Variants in CAB39 observed in about 807,000 individuals in gnomAD.
The protein encoded by CAB39 is calcium-binding protein 39.
A neutral mutation model predicts 40.0 loss-of-function variants in CAB39; 8 were observed. The observed-to-expected ratio is 0.20, with a 90% CI of 0.12 to 0.36. The LOEUF (loss-of-function observed/expected upper bound fraction) is 0.36, where lower values mean the gene tolerates loss of function less well. CAB39 is among the 10% of genes least tolerant of loss of function. The pLI, the probability that CAB39 is intolerant of heterozygous loss-of-function variation, is 1.00. For synonymous variants in CAB39, 156 were observed against 141.6 expected (o/e 1.10, Z -0.72); for missense variants, 270 against 401.1 (o/e 0.67, Z 2.79).
chr2:230,783,440 C>CTTGTTTTGTT (rs1310389769), intron 2 of CAB39, among the ~76,000 whole-genome samples: 6 of 56,382 alleles, frequency 1.1e-4, no homozygotes, highest in Non-Finnish European at 2.5e-4. Context: ...CTGTTCTTGT[C>CTTGTTTTGTT]TAGTTTTGTT....
At chr2:230,818,365 A>G (rs1696440937) in intron 8 of CAB39, 151 bp from the exon 9 acceptor site, 1 of 580,416 alleles carries the variant, frequency 1.7e-6, no homozygotes, top group Admixed American at 3.4e-5. Context: ...CCAAATTGTA[A>G]AATAACGCCT....
chr2:230,746,060 C>A (rs1328260036), intron 1 of CAB39, among the ~76,000 whole-genome samples: 1 of 152,128 alleles, frequency 6.6e-6, no homozygotes, highest in Non-Finnish European at 1.5e-5. Context: ...ACTCAGCAAA[C>A]ATTTATTTGT....
At chr2:230,807,232 A>C (rs1696212277) in intron 5 of CAB39, among the ~76,000 whole-genome samples, 1 of 149,344 alleles carries the variant, frequency 6.7e-6, no homozygotes, top group African/African-American at 2.5e-5. Context: ...ACCCACACTC[A>C]CCCCAGTTTG....
chr2:230,761,825 A>G (rs1205189224), intron 2 of CAB39, among the ~76,000 whole-genome samples: 3 of 152,202 alleles, frequency 2.0e-5, no homozygotes, highest in African/African-American at 4.8e-5. Context: ...TAATAAGACA[A>G]TATAGATTCT....
intron 3 of CAB39, among the ~76,000 whole-genome samples, chr2:230,791,768 G>A (rs936247801): frequency 3.3e-5 from 5 of 152,180 alleles, no homozygotes; most frequent in Non-Finnish European, 5.9e-5. Flanking sequence ...ATTGTTGCCC[G>A]AGTTAATACA....
At position 230,782,789 on chromosome 2, in the gene CAB39, G is replaced by GTTTCTTTCTTTC. The variant is rs375221449; in HGVS notation, c.115-8067_115-8056dup. ...TCCTCCAACATTGAAACAGACTGCT[G>GTTTCTTTCTTTC]TTTCTTTCTTTCTTTCTTTCTTTCT... On this transcript the variant is annotated intron_variant, in intron 2 of 8. Coordinates refer to ENST00000258418, the MANE Select transcript of CAB39 (RefSeq NM_016289.4). 3.9e-3 allele frequency among the ~76,000 whole-genome samples: 458 copies of GTTTCTTTCTTTC among 118,014 alleles called. 9 individuals carry two copies. The highest frequency in any genetic ancestry group is 8.4e-3 in the Admixed American group (94 of 11,196). The allele number at this position is 118,014 out of a possible 152,430, so 77.4% of individuals were successfully genotyped here.
At chr2:230,814,272 C>T (rs1316751386) in intron 7 of CAB39, among the ~76,000 whole-genome samples, 158 bp downstream of exon 7, 2 of 152,042 alleles carry the variant, frequency 1.3e-5, no homozygotes, top group East Asian at 1.9e-4. Flanking sequence ...TGGAGTTGGA[C>T]AGTGATCCAT....
intron 5 of CAB39, among the ~76,000 whole-genome samples, chr2:230,806,162 TATC>T (rs1368564541): frequency 2.0e-5 from 3 of 152,320 alleles, no homozygotes; most frequent in Non-Finnish European, 4.4e-5. Context: ...GATAATTTCA[TATC>T]ATACTCAACC....
At chr2:230,771,170 G>A (rs1422020884) in intron 2 of CAB39, among the ~76,000 whole-genome samples, 1 of 152,132 alleles carries the variant, frequency 6.6e-6, no homozygotes, top group Non-Finnish European at 1.5e-5. Context: ...TAGTAGACTA[G>A]TAAATAAGTT....
At chr2:230,797,129 T>C (rs1213013220) in intron 4 of CAB39, among the ~76,000 whole-genome samples, 1 of 152,204 alleles carries the variant, frequency 6.6e-6, no homozygotes, top group African/African-American at 2.4e-5. Context: ...CTAGGAATCA[T>C]TTCCAATTGT....
intron 1 of CAB39, among the ~76,000 whole-genome samples, chr2:230,729,826 C>G (rs1424872843): frequency 6.6e-6 from 1 of 151,402 alleles, no homozygotes; most frequent in African/African-American, 2.4e-5. Flanking sequence ...TATGAAAAAT[C>G]TTGAGCGAAA....
chr2:230,721,912 C>T (rs561074302), intron 1 of CAB39, among the ~76,000 whole-genome samples: 16 of 152,262 alleles, frequency 1.1e-4, no homozygotes, highest in African/African-American at 3.9e-4. Flanking sequence ...AAAGGTTCTA[C>T]TGGAACACAG....
rs35468054 is a variant in CAB39, at chr2:230,814,186, G to A, written c.693+72G>A. 8.0e-6 allele frequency: 6 copies of A among 754,244 alleles called. No individual in the cohort carries two copies. In the Admixed American group the frequency reaches 1.5e-4, roughly 19 times the overall value. The allele number at this position is 754,244 out of a possible 1,614,324, so 46.7% of individuals were successfully genotyped here. On this transcript the variant is annotated intron_variant, in intron 7 of 8. Transcript: ENST00000258418. ...TGAAATGTGGATTTGGGGAAAGGGAGATGTGCAGGATGGGTCATAGACCTT... is the reference window on the plus strand; with the variant it reads ...TGAAATGTGGATTTGGGGAAAGGGAAATGTGCAGGATGGGTCATAGACCTT...
chr2:230,817,541 G>A lies in CAB39; in HGVS notation c.694-213G>A, dbSNP rs115144983. The stretch of plus-strand genomic sequence containing the variant: ...TGCAGAGAGAAGCGTCAGGCCTCCC[G>A]TAGACTTCATCTCTCAGGGAAAGGG... On this transcript the variant is annotated intron_variant, in intron 7 of 8. Transcript: ENST00000258418. 1.3e-3 allele frequency among the ~76,000 whole-genome samples: 197 copies of A among 152,220 alleles called. 1 individual carries two copies. The highest frequency in any genetic ancestry group is 4.5e-3 in the African/African-American group (185 of 41,524).
intron 5 of CAB39, among the ~76,000 whole-genome samples, chr2:230,808,849 C>T (rs1696251484): frequency 6.6e-6 from 1 of 152,142 alleles, no homozygotes; most frequent in South Asian, 2.1e-4. Context: ...AGACATGTTC[C>T]CTGATTTTAT....
chr2:230,802,549 G>A (rs1202254138), intron 5 of CAB39, among the ~76,000 whole-genome samples: 1 of 152,062 alleles, frequency 6.6e-6, no homozygotes, highest in African/African-American at 2.4e-5. Flanking sequence ...GAATCAAATA[G>A]ACGCAATAAA....
At chr2:230,778,568 A>G (rs1403313716) in intron 2 of CAB39, among the ~76,000 whole-genome samples, 1 of 152,168 alleles carries the variant, frequency 6.6e-6, no homozygotes, top group Non-Finnish European at 1.5e-5. Flanking sequence ...TGAAAAGGCC[A>G]TTTGTACTAA....
intron 2 of CAB39, among the ~76,000 whole-genome samples, chr2:230,782,056 G>A (rs1695695856): frequency 1.3e-5 from 2 of 152,040 alleles, no homozygotes; most frequent in Admixed American, 1.3e-4. Flanking sequence ...AGTAGAGACG[G>A]GGTTTCACCA....
At chr2:230,748,880 A>AT (rs1287663815) in intron 1 of CAB39, among the ~76,000 whole-genome samples, 5 of 122,302 alleles carry the variant, frequency 4.1e-5, no homozygotes, top group Admixed American at 8.9e-5. Context: ...CAAAATGGTA[A>AT]TTTTTTCCTA....
Sources: allele counts gnomAD v4.1 joint callset (sites outside exome capture counted in the v4.1 genomes callset), GRCh38; gene constraint gnomAD v4.1.1; transcripts MANE v1.5; gene names NCBI Gene and HGNC (gene_info 2026-07-23, HGNC 2026-07-21).